Variants in LRRIQ1 observed in about 807,000 individuals in gnomAD.
The protein encoded by LRRIQ1 is leucine rich repeats and IQ motif containing 1.
A neutral mutation model predicts 211.9 loss-of-function variants in LRRIQ1; 210 were observed. That is an observed-to-expected ratio of 0.99 (90% CI 0.89 to 1.11). The LOEUF (loss-of-function observed/expected upper bound fraction) is 1.11, where lower values mean the gene tolerates loss of function less well. Among genes scored for constraint, LRRIQ1 ranks in the 50% most tolerant of loss-of-function variants. LRRIQ1 has a pLI of 0.00. For missense variants in LRRIQ1, 2,136 were observed against 1,939.5 expected (o/e 1.10, Z -1.90); for synonymous variants, 699 against 650.1 (o/e 1.08, Z -1.14).
chr12:85,195,088 T>A (rs1892823396), intron 24 of LRRIQ1, among the ~76,000 whole-genome samples: 1 of 152,102 alleles, frequency 6.6e-6, no homozygotes, highest in Non-Finnish European at 1.5e-5. Context: ...ATGGAAAAAT[T>A]CCTGGACACA....
chr12:85,208,203 C>T (rs1270802719), intron 24 of LRRIQ1, among the ~76,000 whole-genome samples: 1 of 141,674 alleles, frequency 7.1e-6, no homozygotes, highest in Non-Finnish European at 1.5e-5. Context: ...TATCCATTGT[C>T]AAAAAAAAAA....
At chr12:85,047,135 A>G (rs1393244471) in intron 5 of LRRIQ1, 112 bp from the exon 6 acceptor site, 5 of 725,650 alleles carry the variant, frequency 6.9e-6, no homozygotes, top group Non-Finnish European at 1.1e-5. Context: ...CATGTACCCT[A>G]GAACTTAAAG....
chr12:85,224,113 GATTA>G (rs1009469965), intron 24 of LRRIQ1, among the ~76,000 whole-genome samples: 4 of 150,106 alleles, frequency 2.7e-5, no homozygotes, highest in African/African-American at 7.5e-5. Context: ...TTTTAAAATG[GATTA>G]ATTATTTATG....
At position 85,074,932 on chromosome 12, in the gene LRRIQ1, T is replaced by C. The variant is rs1883475871; in HGVS notation, c.2887+1834T>C. Among the ~76,000 whole-genome samples, 3 of 152,128 alleles carry C rather than the reference T, an allele frequency of 2.0e-5. No homozygotes were observed. The South Asian group carries it at 6.2e-4, about 31-fold the overall frequency. ...AATCTAGTTGTCTTTATTTCTCTTA[T>C]TTTATGTTGAATTTCATTGACTTTC... On this transcript the variant is annotated intron_variant, in intron 11 of 26. Transcript: ENST00000393217.
At chr12:85,160,196 T>G (rs1592903815) in intron 23 of LRRIQ1, among the ~76,000 whole-genome samples, 3 of 152,188 alleles carry the variant, frequency 2.0e-5, no homozygotes, top group Admixed American at 2.0e-4. Flanking sequence ...TGAATATTCT[T>G]GTCTTTGAAT....
Position 85,153,101 on chromosome 12 carries a change from C to G in LRRIQ1, c.4497C>G (p.Asp1499Glu). 1.3e-6 allele frequency: 2 copies of G among 1,588,616 alleles called. No homozygotes were observed. The highest frequency in any genetic ancestry group is 1.7e-6 in the Non-Finnish European group (2 of 1,166,334). The part of the protein sequence containing the change: ...SNPAQAWLCN[D>E]KENLSSSEHT... ...CAGCTCAAGCATGGTTATGTAATGA[C>G]AAAGAAAATTTGTCTTCTTCAGAAC... Residue 1499 changes from aspartate to glutamate, a missense_variant, in exon 21 of 27, where the codon GAC becomes GAG. Physicochemically the swap from Asp to Glu is conservative, Grantham distance 45. Coordinates refer to ENST00000393217, the MANE Select transcript of LRRIQ1 (RefSeq NM_001079910.2).
intron 18 of LRRIQ1, among the ~76,000 whole-genome samples, chr12:85,135,082 T>G (rs1889027679): frequency 6.6e-6 from 1 of 152,050 alleles, no homozygotes; most frequent in Non-Finnish European, 1.5e-5. Flanking sequence ...CAGATTTTTC[T>G]TAATCAAAAT....
At chr12:85,048,859 T>A (rs1164100038) in intron 6 of LRRIQ1, among the ~76,000 whole-genome samples, 10 of 152,184 alleles carry the variant, frequency 6.6e-5, no homozygotes, top group Non-Finnish European at 7.3e-5. Flanking sequence ...TTAAGAAACA[T>A]CTGATTTCAA....
intron 26 of LRRIQ1, chr12:85,233,169 T>C (rs1895026712): frequency 4.9e-6 from 1 of 203,564 alleles, no homozygotes; most frequent in African/African-American, 2.4e-5. Context: ...AACCACTCTA[T>C]GTAATAAAGT....
intron 15 of LRRIQ1, among the ~76,000 whole-genome samples, chr12:85,107,744 C>G (rs1330972635): frequency 6.6e-6 from 1 of 152,064 alleles, no homozygotes; most frequent in East Asian, 1.9e-4. Flanking sequence ...CCATGCCTCA[C>G]TCACTCCGAA....
At position 85,128,780 on chromosome 12, in the gene LRRIQ1, A is replaced by G. The variant is rs561931307; in HGVS notation, c.4209+747A>G. Among the ~76,000 whole-genome samples, 12 of 152,360 alleles carry G rather than the reference A, an allele frequency of 7.9e-5. No homozygotes were observed. In the South Asian group the frequency reaches 2.5e-3, roughly 32 times the overall value. On this transcript the variant is annotated intron_variant, in intron 18 of 26. Coordinates refer to ENST00000393217, the MANE Select transcript of LRRIQ1 (RefSeq NM_001079910.2). ...TAAAAATTTAGAAAGCAAATAATTA[A>G]TAGACTTGACTCAATCTCACCAAGA...
chr12:85,156,965 A>C (rs1208408261), intron 23 of LRRIQ1, among the ~76,000 whole-genome samples: 1 of 151,942 alleles, frequency 6.6e-6, no homozygotes, highest in African/African-American at 2.4e-5. Flanking sequence ...CTGCCACAGA[A>C]AACCTTAGAG....
intron 25 of LRRIQ1, among the ~76,000 whole-genome samples, chr12:85,229,897 C>A (rs902300190): frequency 6.6e-6 from 1 of 152,132 alleles, no homozygotes; most frequent in Non-Finnish European, 1.5e-5. Context: ...AAAAATAATT[C>A]TACTCTATAA....
intron 18 of LRRIQ1, 73 bp from the exon 19 acceptor site, chr12:85,137,777 T>G (rs1022352865): frequency 4.8e-6 from 6 of 1,262,352 alleles, no homozygotes; most frequent in African/African-American, 1.5e-5. Flanking sequence ...ATCTTCCTAA[T>G]GGGATAACAC....
In LRRIQ1 at chr12:85,055,548, A is replaced by G; in HGVS notation, c.755A>G (p.Glu252Gly). 6.6e-7 allele frequency: 1 copy of G among 1,507,292 alleles called. No individual in the cohort carries two copies. The highest frequency in any genetic ancestry group is 1.4e-5 in the African/African-American group (1 of 70,860). 93.4% of individuals were successfully genotyped at this position (1,507,292 alleles called of 1,614,324 possible). A position where few individuals can be genotyped will look rare whatever the true frequency, so the allele number is the denominator to read the frequency against. Reference sequence around the variant, plus strand: ...ACCATGTATCTTACTTTGTTTTAGGAGTATATTAGAAACTTGCATTTACAA... The same window carrying G: ...ACCATGTATCTTACTTTGTTTTAGGGGTATATTAGAAACTTGCATTTACAA... ...IWKEKFKQHE[E>G]YIRNLHLQME... Residue 252 changes from glutamate to glycine, a missense_variant and splice_region_variant, in exon 8 of 27, where the codon GAG (glutamate) becomes GGG (glycine). Transcript: ENST00000393217.
chr12:85,053,714 T>G (rs1880608295), intron 7 of LRRIQ1, among the ~76,000 whole-genome samples: 1 of 152,166 alleles, frequency 6.6e-6, no homozygotes, highest in Non-Finnish European at 1.5e-5. Flanking sequence ...TTTGTTTTGT[T>G]TTTTGTTTTT....
intron 15 of LRRIQ1, among the ~76,000 whole-genome samples, chr12:85,121,466 G>T (rs1283689184): frequency 6.6e-6 from 1 of 152,060 alleles, no homozygotes; most frequent in Non-Finnish European, 1.5e-5. Flanking sequence ...AGAAGAAAAA[G>T]GTTAAAGAAC....
chr12:85,124,932 A>G, intron 17 of LRRIQ1: 1 of 189,210 alleles, frequency 5.3e-6, no homozygotes, highest in African/African-American at 2.4e-5. Context: ...TAATCCCAGC[A>G]CTTTGGGAGG....
chr12:85,073,071 T>C lies in LRRIQ1; in HGVS notation c.2860T>C (p.Phe954Leu). 6.2e-7 allele frequency: 1 copy of C among 1,607,538 alleles called. No individual in the cohort carries two copies. Among genetic ancestry groups the C allele is most frequent in the African/African-American group, 1.3e-5 (1 of 74,608 alleles). Residue 954 changes from phenylalanine to leucine, a missense_variant, in exon 11 of 27, where the codon TTC becomes CTC. Transcript: ENST00000393217. ...ACTTACAAAAAATTCAGATTGTAAT[T>C]TCCTTATCTCCCACTTATACTGGAA... ...TSLTKNSDCN[F>L]LISHLYWNCG...
Sources: allele counts gnomAD v4.1 joint callset (sites outside exome capture counted in the v4.1 genomes callset), GRCh38; gene constraint gnomAD v4.1.1; transcripts MANE v1.5; gene names NCBI Gene and HGNC (gene_info 2026-07-23, HGNC 2026-07-21).